Variants in FRRS1L observed in about 807,000 individuals in gnomAD.
FRRS1L encodes the protein ferric chelate reductase 1 like.
Under a neutral mutation model 28.6 loss-of-function variants are expected in FRRS1L, and 22 were observed. The observed-to-expected ratio is 0.77, with a 90% CI of 0.55 to 1.10. The LOEUF (loss-of-function observed/expected upper bound fraction) is 1.10, where lower values mean the gene tolerates loss of function less well. FRRS1L is among the 50% of genes least tolerant of loss of function. FRRS1L has a pLI of 0.00. For synonymous variants in FRRS1L, 158 were observed against 151.4 expected (o/e 1.04, Z -0.32); for missense variants, 380 against 386.9 (o/e 0.98, Z 0.15).
In FRRS1L at chr9:109,133,433, A is replaced by G. The variant is rs1831078244; in HGVS notation, c.*4022T>C. 1.3e-5 allele frequency: 2 copies of G among 152,162 alleles called. No homozygotes were observed. Among genetic ancestry groups the G allele is most frequent in the African/African-American group, 2.4e-5 (1 of 41,454 alleles). The allele number at this position is 152,162 out of a possible 1,614,324, so 9.4% of individuals were successfully genotyped here. On this transcript the variant is annotated 3_prime_UTR_variant, in exon 5 of 5. Coordinates refer to ENST00000561981, the MANE Select transcript of FRRS1L (RefSeq NM_014334.4). The stretch of plus-strand genomic sequence containing the variant: ...TTAATTGTAAATTACTAAATGGGGG[A>G]AAAAAGGCACCTAGCTAATTGGAGT...
chr9:109,154,864 T>G (rs1444545020), intron 1 of FRRS1L, among the ~76,000 whole-genome samples: 1 of 152,220 alleles, frequency 6.6e-6, no homozygotes, highest in Non-Finnish European at 1.5e-5. Context: ...AATTTGGTGG[T>G]GGGGTAAGGT....
At chr9:109,159,555 C>T (rs1378821227) in intron 1 of FRRS1L, among the ~76,000 whole-genome samples, 1 of 152,194 alleles carries the variant, frequency 6.6e-6, no homozygotes, top group Non-Finnish European at 1.5e-5. Flanking sequence ...ATCCCAGCTA[C>T]TTGGGAAGCT....
In FRRS1L at chr9:109,167,150, G is replaced by A. The variant is rs1400351195; in HGVS notation, c.-12C>T. ...GGCGGCCGCGCCATCCGTGCGCACA[G>A]ATCCCGCAGCCAGGCCGCTCGGGCC... On this transcript the variant is annotated 5_prime_UTR_variant, in exon 1 of 5. Transcript: ENST00000561981. The A allele has an allele frequency of 4.4e-6, 5 of 1,144,180 alleles. No homozygotes were observed. Among genetic ancestry groups the A allele is most frequent in the Non-Finnish European group, 5.3e-6 (5 of 936,270 alleles). 70.9% of individuals were successfully genotyped at this position (1,144,180 alleles called of 1,614,324 possible).
At chr9:109,152,726 C>T (rs1377817444) in intron 1 of FRRS1L, among the ~76,000 whole-genome samples, 1 of 139,866 alleles carries the variant, frequency 7.1e-6, no homozygotes, top group East Asian at 2.2e-4. Flanking sequence ...ATGGCATGAA[C>T]CCGGGAGGTG....
At chr9:109,147,950 C>T (rs1294789203) in intron 2 of FRRS1L, 56 of 151,600 alleles carry the variant, frequency 3.7e-4, no homozygotes, top group Admixed American at 3.6e-3. Context: ...TGAATGAATG[C>T]AATATTTATT....
chr9:109,149,618 A>G lies in FRRS1L; in HGVS notation c.323+18T>C, dbSNP rs1276472935. The G allele has an allele frequency of 2.6e-6, 4 of 1,555,342 alleles. No individual in the cohort carries two copies. The highest frequency in any genetic ancestry group is 2.7e-5 in the African/African-American group (2 of 73,758). ...TCAGTCTTAGCCTTAAAGTTATCCAACCTGCAGTTCCACCAACCTAAAGCA... is the reference window on the plus strand; with the variant it reads ...TCAGTCTTAGCCTTAAAGTTATCCAGCCTGCAGTTCCACCAACCTAAAGCA... On this transcript the variant is annotated intron_variant, in intron 2 of 4. Coordinates refer to ENST00000561981, the MANE Select transcript of FRRS1L (RefSeq NM_014334.4).
In FRRS1L at chr9:109,131,986, A is replaced by G. The variant is rs1250834344; in HGVS notation, c.*5469T>C. 1.2e-5 allele frequency: 1 copy of G among 84,508 alleles called. No homozygotes were observed. The highest frequency in any genetic ancestry group is 2.7e-5 in the Non-Finnish European group (1 of 36,814). The allele number at this position is 84,508 out of a possible 1,614,324, so 5.2% of individuals were successfully genotyped here. A position where few individuals can be genotyped will look rare whatever the true frequency, so the allele number is the denominator to read the frequency against. On this transcript the variant is annotated 3_prime_UTR_variant, in exon 5 of 5. Coordinates refer to ENST00000561981, the MANE Select transcript of FRRS1L (RefSeq NM_014334.4). ...TTATTTTATTTTATTTTATTTATTTATTTTTTAGACGGAGTCTTGCTCTGT... is the reference window on the plus strand; with the variant it reads ...TTATTTTATTTTATTTTATTTATTTGTTTTTTAGACGGAGTCTTGCTCTGT...
At chr9:109,139,524 T>C (rs982666446) in intron 4 of FRRS1L, 2 of 152,216 alleles carry the variant, frequency 1.3e-5, no homozygotes, top group African/African-American at 2.4e-5. Context: ...ACTTTAGATA[T>C]AAGGAAATGA....
chr9:109,145,016 G>A (rs982094516), intron 3 of FRRS1L, among the ~76,000 whole-genome samples: 10 of 152,126 alleles, frequency 6.6e-5, no homozygotes, highest in Admixed American at 5.2e-4. Context: ...GGTCTGAGCC[G>A]CCCTCCTCTC....
intron 3 of FRRS1L, among the ~76,000 whole-genome samples, chr9:109,145,991 T>A (rs1831255472): frequency 6.6e-6 from 1 of 151,842 alleles, no homozygotes. Context: ...AGGTCAGGAG[T>A]TTGAGAACAG....
At chr9:109,159,541 T>G (rs1831455060) in intron 1 of FRRS1L, among the ~76,000 whole-genome samples, 1 of 152,222 alleles carries the variant, frequency 6.6e-6, no homozygotes. Flanking sequence ...GGGACCCACC[T>G]GTAATCCCAG....
At position 109,145,834 on chromosome 9, in the gene FRRS1L, T is replaced by A. The variant is rs1327532780; in HGVS notation, c.462+1217A>T. 2.6e-5 allele frequency among the ~76,000 whole-genome samples: 4 copies of A among 152,278 alleles called. No individual in the cohort carries two copies. In the South Asian group the frequency reaches 6.2e-4, roughly 24 times the overall value. On this transcript the variant is annotated intron_variant, in intron 3 of 4. Transcript: ENST00000561981. ...TTGAAGCTCCTCACTCCCTTCCCCA[T>A]GCCTTCCCCTAAGTGTCTCTTCCAT... is the stretch of plus-strand genomic sequence containing the variant.
chr9:109,162,176 TGTGGTG>T (rs1359976829), intron 1 of FRRS1L, among the ~76,000 whole-genome samples: 1 of 152,076 alleles, frequency 6.6e-6, no homozygotes, highest in Non-Finnish European at 1.5e-5. Context: ...ATTAGCCAGG[TGTGGTG>T]GCTCATGCCT....
At chr9:109,148,010 C>T (rs1564231644) in intron 2 of FRRS1L, 1 of 151,644 alleles carries the variant, frequency 6.6e-6, no homozygotes, top group East Asian at 1.9e-4. Flanking sequence ...ACTCTGTTGC[C>T]CAGGCTGGAG....
chr9:109,159,939 A>G (rs1831460026), intron 1 of FRRS1L, among the ~76,000 whole-genome samples: 1 of 152,212 alleles, frequency 6.6e-6, no homozygotes, highest in African/African-American at 2.4e-5. Context: ...CTGTCTACAT[A>G]GATACATATC....
chr9:109,165,513 G>T (rs1564237542), intron 1 of FRRS1L, among the ~76,000 whole-genome samples: 1 of 152,226 alleles, frequency 6.6e-6, no homozygotes, highest in Non-Finnish European at 1.5e-5. Flanking sequence ...TTATCAGAGA[G>T]AAAAATAAAC....
Position 109,149,702 on chromosome 9 carries a change from G to A in FRRS1L, c.257C>T (p.Ala86Val). The A allele has an allele frequency of 3.7e-6, 6 of 1,612,676 alleles. No homozygotes were observed. The highest frequency in any genetic ancestry group is 5.1e-6 in the Non-Finnish European group (6 of 1,178,646). ...TTTGGCAAATGGATCCACAGGAGGA[G>A]CAGTAGGGAAGGGGTAACCTGGGCA... is the stretch of plus-strand genomic sequence containing the variant. The part of the protein sequence containing the change: ...LSEEGYPFPT[A>V]PPVDPFAKIK... Residue 86 changes from alanine to valine, a missense_variant, in exon 2 of 5, where the codon GCT becomes GTT. By Grantham distance (64) the Ala-to-Val change is moderately conservative. Coordinates refer to ENST00000561981, the MANE Select transcript of FRRS1L (RefSeq NM_014334.4).
At chr9:109,148,552 C>G (rs377573523) in intron 2 of FRRS1L, 1 of 152,068 alleles carries the variant, frequency 6.6e-6, no homozygotes, top group African/African-American at 2.4e-5. Flanking sequence ...ACAATATACG[C>G]GCAGATGGAA....
chr9:109,166,899 A>G lies in FRRS1L; in HGVS notation c.238+2T>C. The G allele has an allele frequency of 8.6e-7, 1 of 1,166,624 alleles. No individual in the cohort carries two copies. Among genetic ancestry groups the G allele is most frequent in the Non-Finnish European group, 1.1e-6 (1 of 936,114 alleles). The allele number at this position is 1,166,624 out of a possible 1,614,324, so 72.3% of individuals were successfully genotyped here. A position where few individuals can be genotyped will look rare whatever the true frequency, so the allele number is the denominator to read the frequency against. On this transcript the variant is annotated splice_donor_variant, in intron 1 of 4. Coordinates refer to ENST00000561981, the MANE Select transcript of FRRS1L (RefSeq NM_014334.4). LOFTEE classifies it high-confidence loss of function. ...CAACCCCTCGCCCTCCCGCAGCCTCACCCTCCTCCGACAGGTAGCGCAGGT... is the reference window on the plus strand; with the variant it reads ...CAACCCCTCGCCCTCCCGCAGCCTCGCCCTCCTCCGACAGGTAGCGCAGGT...
Sources: allele counts gnomAD v4.1 joint callset (sites outside exome capture counted in the v4.1 genomes callset), GRCh38; gene constraint gnomAD v4.1.1; transcripts MANE v1.5; gene names NCBI Gene and HGNC (gene_info 2026-07-23, HGNC 2026-07-21).